KCNIP1: variants seen among roughly 807,000 people sequenced by gnomAD.
The protein encoded by KCNIP1 is potassium voltage-gated channel interacting protein 1.
Under a neutral mutation model 33.0 loss-of-function variants are expected in KCNIP1, and 18 were observed. That is an observed-to-expected ratio of 0.55 (90% CI 0.38 to 0.81). The LOEUF (loss-of-function observed/expected upper bound fraction) is 0.81, where lower values mean the gene tolerates loss of function less well. Among genes scored for constraint, KCNIP1 ranks in the 30% least tolerant of loss-of-function variants. KCNIP1 has a pLI of 0.00. For missense variants in KCNIP1, 238 were observed against 271.6 expected (o/e 0.88, Z 0.87); for synonymous variants, 93 against 98.3 (o/e 0.95, Z 0.32).
chr5:170,366,445 T>C (rs1763663015), intron 1 of KCNIP1, among the ~76,000 whole-genome samples: 1 of 152,230 alleles, frequency 6.6e-6, no homozygotes, highest in African/African-American at 2.4e-5. Context: ...GCTCTGGCAC[T>C]ACCTTTGAGC....
intron 1 of KCNIP1, among the ~76,000 whole-genome samples, chr5:170,593,986 A>G (rs1317310175): frequency 6.6e-6 from 1 of 152,260 alleles, no homozygotes; most frequent in Non-Finnish European, 1.5e-5. Context: ...AATACAAGAT[A>G]TAATTCTTCA....
rs1331003910 is a variant in KCNIP1 at position 170,397,857 on chromosome 5, G to T, written c.88+43893G>T. On this transcript the variant is annotated intron_variant, in intron 1 of 7. Coordinates refer to the KCNIP1 transcript ENST00000377360. ...TCAAATACATTTAAGAGATGGCTTG[G>T]TTCAGTCCAGAAAGGTGGGACAACT... Among the ~76,000 whole-genome samples, 3 of 152,206 alleles carry T rather than the reference G, an allele frequency of 2.0e-5. No individual in the cohort carries two copies. The East Asian group carries it at 5.8e-4, about 29-fold the overall frequency.
intron 1 of KCNIP1, among the ~76,000 whole-genome samples, chr5:170,706,361 A>C (rs1561775481): frequency 6.6e-6 from 1 of 152,166 alleles, no homozygotes; most frequent in Non-Finnish European, 1.5e-5. Flanking sequence ...CGTGCTTCCC[A>C]AAGTATGATC....
intron 1 of KCNIP1, among the ~76,000 whole-genome samples, chr5:170,653,509 G>A (rs943986302): frequency 3.3e-5 from 5 of 152,032 alleles, no homozygotes; most frequent in Non-Finnish European, 7.3e-5. Flanking sequence ...CCAGCCTCAG[G>A]CTACAAATGA....
chr5:170,625,251 C>A (rs538668708), intron 1 of KCNIP1, among the ~76,000 whole-genome samples: 2 of 152,256 alleles, frequency 1.3e-5, no homozygotes, highest in East Asian at 3.9e-4. Context: ...CGTGTGCACA[C>A]GTGTGCAGCT....
intron 1 of KCNIP1, among the ~76,000 whole-genome samples, chr5:170,538,493 G>A (rs1200317396): frequency 6.6e-6 from 1 of 152,032 alleles, no homozygotes. Context: ...TTGTGGCCTT[G>A]ATTTTGGACC....
chr5:170,720,483 C>T (rs1325965740), intron 3 of KCNIP1, 93 bp downstream of exon 3: 3 of 1,006,556 alleles, frequency 3.0e-6, no homozygotes, highest in African/African-American at 1.6e-5. Flanking sequence ...CCATTTGCTT[C>T]CTTCTCGAGG....
At chr5:170,724,540 A>G (rs1763941989) in intron 5 of KCNIP1, among the ~76,000 whole-genome samples, 1 of 152,234 alleles carries the variant, frequency 6.6e-6, no homozygotes, top group African/African-American at 2.4e-5. Flanking sequence ...CTGGAAAGGA[A>G]GAATTAACAC....
At chr5:170,511,748 G>C (rs1362258914) in intron 1 of KCNIP1, among the ~76,000 whole-genome samples, 1 of 152,214 alleles carries the variant, frequency 6.6e-6, no homozygotes, top group African/African-American at 2.4e-5. Flanking sequence ...GCTCTAAAAA[G>C]GGAAGTGCCT....
rs187332380 is a variant in KCNIP1 at position 170,630,279 on chromosome 5, A to C, written c.62-88479A>C. Among the ~76,000 whole-genome samples the C allele has an allele frequency of 5.3e-3, 807 of 152,362 alleles. 9 individuals are homozygous for C. The highest frequency in any genetic ancestry group is 0.041 in the Middle Eastern group (12 of 294). ...AATAAATGGACGGATGGATGGATGG[A>C]TGCATTAGGCAGCCAAGTGGGCAGC... On this transcript the variant is annotated intron_variant, in intron 1 of 7. Coordinates refer to ENST00000328939, the MANE Select transcript of KCNIP1 (RefSeq NM_014592.4).
At chr5:170,685,557 C>T (rs1762511699) in intron 1 of KCNIP1, among the ~76,000 whole-genome samples, 1 of 151,926 alleles carries the variant, frequency 6.6e-6, no homozygotes, top group Admixed American at 6.6e-5. Context: ...GGCACGATCT[C>T]AGCTCACTGA....
At position 170,568,648 on chromosome 5, in the gene KCNIP1, TAAAAAA is replaced by T. The variant is rs33992187; in HGVS notation, c.61+64035_61+64040del. Among the ~76,000 whole-genome samples the T allele has an allele frequency of 1.9e-3, 84 of 43,732 alleles. 3 individuals are homozygous for T. Among genetic ancestry groups the T allele is most frequent in the South Asian group, 0.011 (5 of 470 alleles). 28.7% of individuals were successfully genotyped at this position (43,732 alleles called of 152,430 possible). ...CGAACATGGTGAAACCCGTTTCTAC[TAAAAAA>T]AAAAAAAAAAAAAAAAAAATTAGCC... On this transcript the variant is annotated intron_variant, in intron 1 of 7. Transcript: ENST00000328939.
At chr5:170,727,325 A>T (rs1764043715) in intron 5 of KCNIP1, among the ~76,000 whole-genome samples, 1 of 152,236 alleles carries the variant, frequency 6.6e-6, no homozygotes, top group East Asian at 1.9e-4. Context: ...CACTGCGAAG[A>T]AGTGTGAAGG....
chr5:170,710,653 C>T (rs1038847317), intron 1 of KCNIP1, among the ~76,000 whole-genome samples: 4 of 152,226 alleles, frequency 2.6e-5, no homozygotes, highest in Non-Finnish European at 5.9e-5. Context: ...GCCTTGGTAG[C>T]TCTCCAAAGC....
intron 1 of KCNIP1, among the ~76,000 whole-genome samples, chr5:170,576,472 G>A (rs1189044414): frequency 6.6e-6 from 1 of 152,142 alleles, no homozygotes; most frequent in Non-Finnish European, 1.5e-5. Context: ...TTCTTAATAG[G>A]TAACTGGCCA....
chr5:170,650,538 T>C (rs1208504832), intron 1 of KCNIP1, among the ~76,000 whole-genome samples: 1 of 152,262 alleles, frequency 6.6e-6, no homozygotes, highest in Non-Finnish European at 1.5e-5. Context: ...GTAGTATTTC[T>C]TTGTATGGAT....
intron 1 of KCNIP1, among the ~76,000 whole-genome samples, chr5:170,495,845 T>A (rs1009376185): frequency 1.3e-5 from 2 of 152,136 alleles, no homozygotes; most frequent in African/African-American, 4.8e-5. Flanking sequence ...TGTCCCAGAG[T>A]CAGTCCTCAG....
chr5:170,686,903 C>G (rs1581500633), intron 1 of KCNIP1, among the ~76,000 whole-genome samples: 1 of 152,106 alleles, frequency 6.6e-6, no homozygotes, highest in African/African-American at 2.4e-5. Context: ...GCAGATTCCT[C>G]CTCTCTACCT....
At chr5:170,512,131 C>G (rs1754955324) in intron 1 of KCNIP1, among the ~76,000 whole-genome samples, 1 of 152,212 alleles carries the variant, frequency 6.6e-6, no homozygotes, top group Non-Finnish European at 1.5e-5. Flanking sequence ...GATTAAACAT[C>G]TCTCCTCTGC....
Sources: allele counts gnomAD v4.1 joint callset (sites outside exome capture counted in the v4.1 genomes callset), GRCh38; gene constraint gnomAD v4.1.1; transcripts MANE v1.5; gene names NCBI Gene and HGNC (gene_info 2026-07-23, HGNC 2026-07-21).